Variants in CD38 observed in about 807,000 individuals in gnomAD.
The protein encoded by CD38 is CD38 molecule.
CD38 carries 31 observed loss-of-function variants against 36.3 expected under a neutral mutation model. That is an observed-to-expected ratio of 0.85 (90% CI 0.64 to 1.15). The LOEUF (loss-of-function observed/expected upper bound fraction) is 1.15, where lower values mean the gene tolerates loss of function less well. Ranked by LOEUF, CD38 falls within the 50% of genes most tolerant of loss-of-function variation. CD38 has a pLI of 0.00. For missense variants in CD38, 380 were observed against 371.9 expected (o/e 1.02, Z -0.18); for synonymous variants, 131 against 135.2 (o/e 0.97, Z 0.22).
chr4:15,822,048 C>A (rs1723749075), intron 2 of CD38, among the ~76,000 whole-genome samples: 1 of 152,082 alleles, frequency 6.6e-6, no homozygotes, highest in Non-Finnish European at 1.5e-5. Context: ...GTACATGAAT[C>A]AATAAATGTA....
In CD38 at chr4:15,852,827, T is replaced by TTC. The variant is rs1724419408; in HGVS notation, c.*4225_*4226insTC. The TTC allele has an allele frequency of 9.7e-6, 1 of 102,818 alleles. No homozygotes were observed. The highest frequency in any genetic ancestry group is 2.1e-5 in the Non-Finnish European group (1 of 46,752). The allele number at this position is 102,818 out of a possible 1,614,324, so 6.4% of individuals were successfully genotyped here. On this transcript the variant is annotated 3_prime_UTR_variant, in exon 8 of 8. Transcript: ENST00000226279. ...ATTTATTCTTTTTTTTTTTTTTTTT[T>TTC]GGGAGACGGAGTCTCGCTGTCGCCC...
intron 4 of CD38, among the ~76,000 whole-genome samples, chr4:15,834,760 G>A (rs1418268568): frequency 6.6e-6 from 1 of 152,172 alleles, no homozygotes; most frequent in African/African-American, 2.4e-5. Context: ...CACATAACGT[G>A]AAGGTACAAG....
intron 1 of CD38, among the ~76,000 whole-genome samples, chr4:15,813,286 T>A (rs1560313292): frequency 6.7e-6 from 1 of 150,094 alleles, no homozygotes; most frequent in Non-Finnish European, 1.5e-5. Context: ...GTTGAGGAAA[T>A]TTTATTTCTA....
intron 6 of CD38, 71 bp from the exon 7 acceptor site, chr4:15,840,381 A>G: frequency 9.5e-7 from 1 of 1,055,584 alleles, no homozygotes; most frequent in East Asian, 2.4e-5. Context: ...AGGGCGTGCT[A>G]CAAAAACAAA....
At chr4:15,834,975 G>A (rs945400233) in intron 4 of CD38, among the ~76,000 whole-genome samples, 5 of 152,092 alleles carry the variant, frequency 3.3e-5, no homozygotes, top group African/African-American at 9.7e-5. Flanking sequence ...ATAAGGTATA[G>A]TGATGAAATC....
intron 1 of CD38, among the ~76,000 whole-genome samples, chr4:15,796,038 G>C (rs1317326124): frequency 6.6e-6 from 1 of 151,988 alleles, no homozygotes; most frequent in Non-Finnish European, 1.5e-5. Context: ...TGATTATCTT[G>C]GTTCCTAAAA....
rs577665237 is a variant in CD38, at chr4:15,851,995, A to G, written c.*3393A>G. ...AGAAAAGGTACAGTAAACATGCAGTATTATAATCTTATGAGACCGTCATCA... is the reference window on the plus strand; with the variant it reads ...AGAAAAGGTACAGTAAACATGCAGTGTTATAATCTTATGAGACCGTCATCA... On this transcript the variant is annotated 3_prime_UTR_variant, in exon 8 of 8. Coordinates refer to ENST00000226279, the MANE Select transcript of CD38 (RefSeq NM_001775.4). The G allele has an allele frequency of 6.6e-6, 1 of 152,386 alleles. No individual in the cohort carries two copies. Among genetic ancestry groups the G allele is most frequent in the African/African-American group, 2.4e-5 (1 of 41,594 alleles). 9.4% of individuals were successfully genotyped at this position (152,386 alleles called of 1,614,324 possible).
At chr4:15,786,210 G>C (rs990682206) in intron 1 of CD38, among the ~76,000 whole-genome samples, 1 of 152,154 alleles carries the variant, frequency 6.6e-6, no homozygotes, top group African/African-American at 2.4e-5. Flanking sequence ...GACGCCAATG[G>C]GTTGCCAGTG....
chr4:15,836,302 G>T (rs1468146687), intron 4 of CD38, among the ~76,000 whole-genome samples: 1 of 152,196 alleles, frequency 6.6e-6, no homozygotes, highest in Non-Finnish European at 1.5e-5. Flanking sequence ...GGCAGAGGCA[G>T]AGGGGCTAAA....
Position 15,848,747 on chromosome 4 carries a change from C to T in CD38, c.*145C>T. 3.5e-6 allele frequency: 2 copies of T among 566,642 alleles called. No individual in the cohort carries two copies. Among genetic ancestry groups the T allele is most frequent in the South Asian group, 2.7e-5 (1 of 37,412 alleles). The allele number at this position is 566,642 out of a possible 1,614,324, so 35.1% of individuals were successfully genotyped here. ...ATGCCAGAGACGGAAGCCTTTTTCC[C>T]CAAAGTCTTAAAATAACTTATATCA... On this transcript the variant is annotated 3_prime_UTR_variant, in exon 8 of 8. Coordinates refer to ENST00000226279, the MANE Select transcript of CD38 (RefSeq NM_001775.4).
At chr4:15,807,164 G>A (rs1723360466) in intron 1 of CD38, among the ~76,000 whole-genome samples, 1 of 152,142 alleles carries the variant, frequency 6.6e-6, no homozygotes, top group South Asian at 2.1e-4. Context: ...GACTTACTGA[G>A]GATTTGGGCT....
intron 1 of CD38, among the ~76,000 whole-genome samples, chr4:15,785,767 A>C (rs553421422): frequency 1.4e-4 from 21 of 152,184 alleles, no homozygotes; most frequent in Non-Finnish European, 2.5e-4. Flanking sequence ...ATCACATCTT[A>C]GTGGGTCCGG....
At chr4:15,783,707 A>C (rs920662094) in intron 1 of CD38, among the ~76,000 whole-genome samples, 2 of 152,166 alleles carry the variant, frequency 1.3e-5, no homozygotes, top group Non-Finnish European at 2.9e-5. Flanking sequence ...CGTTCTAATG[A>C]TCACTTCTGT....
intron 1 of CD38, among the ~76,000 whole-genome samples, chr4:15,812,943 A>G (rs1284371559): frequency 2.6e-5 from 4 of 152,094 alleles, no homozygotes; most frequent in Non-Finnish European, 1.5e-5. Context: ...ATAGTATACA[A>G]TTGATTTTTG....
At chr4:15,848,421 G>T (rs1260074320) in intron 7 of CD38, 118 bp from the exon 8 acceptor site, 8 of 643,008 alleles carry the variant, frequency 1.2e-5, no homozygotes, top group South Asian at 9.5e-5. Flanking sequence ...AGTTTATATG[G>T]ATGCTAAGTG....
intron 3 of CD38, among the ~76,000 whole-genome samples, chr4:15,832,875 G>A (rs986338297): frequency 6.6e-6 from 1 of 152,176 alleles, no homozygotes; most frequent in Admixed American, 6.5e-5. Flanking sequence ...AGGGACTAGA[G>A]TAAAAAACCT....
At chr4:15,837,138 C>G (rs898358731) in intron 4 of CD38, among the ~76,000 whole-genome samples, 1 of 152,108 alleles carries the variant, frequency 6.6e-6, no homozygotes, top group African/African-American at 2.4e-5. Flanking sequence ...TCTTTTAAAG[C>G]CAAGTCACAT....
At chr4:15,810,364 C>T (rs568462056) in intron 1 of CD38, among the ~76,000 whole-genome samples, 53 of 152,238 alleles carry the variant, frequency 3.5e-4, no homozygotes, top group African/African-American at 1.2e-3. Flanking sequence ...CTCTTTCCTG[C>T]CAGATCTTTT....
At chr4:15,814,831 A>G in intron 1 of CD38, among the ~76,000 whole-genome samples, 1 of 146,482 alleles carries the variant, frequency 6.8e-6, no homozygotes, top group African/African-American at 2.5e-5. Context: ...TTTTGAGATG[A>G]GATCTCGCTC....
Sources: gnomAD v4.1 joint callset for allele counts (sites outside exome capture counted in the v4.1 genomes callset) on GRCh38, gnomAD v4.1.1 for gene constraint, MANE v1.5 for transcripts, NCBI Gene and HGNC (gene_info 2026-07-23, HGNC 2026-07-21) for gene names.